GRID1: variants seen among roughly 807,000 people sequenced by gnomAD.
GRID1 encodes the protein glutamate receptor ionotropic, delta-1.
GRID1 carries 28 observed loss-of-function variants against 98.0 expected under a neutral mutation model. The ratio of observed to expected loss-of-function variants is 0.29; its 90% CI spans 0.21 to 0.39. The LOEUF (loss-of-function observed/expected upper bound fraction) is 0.39. Among genes scored for constraint, GRID1 ranks in the 10% least tolerant of loss-of-function variants. The pLI is 1.00. For synonymous variants in GRID1, 553 were observed against 538.5 expected, an observed-to-expected ratio of 1.03 and a Z score of -0.37; for missense variants, 1,111 against 1,340.5, an observed-to-expected ratio of 0.83 and a Z score of 2.67.
chr10:86,011,840 C>G (rs1033644583), intron 4 of GRID1, among the ~76,000 whole-genome samples: 1 of 152,106 alleles, frequency 6.6e-6, no homozygotes, highest in African/African-American at 2.4e-5. Context: ...AGGAAACAGT[C>G]CAAAGACCAA....
At chr10:85,622,418 A>G (rs533134608) in intron 13 of GRID1, among the ~76,000 whole-genome samples, 3 of 151,988 alleles carry the variant, frequency 2.0e-5, no homozygotes, top group Non-Finnish European at 4.4e-5. Context: ...CTTTTTTTTA[A>G]AAAAAATATA....
intron 4 of GRID1, among the ~76,000 whole-genome samples, chr10:86,131,452 A>T (rs953922327): frequency 1.3e-5 from 2 of 152,174 alleles, no homozygotes; most frequent in African/African-American, 2.4e-5. Context: ...GGAGGAGCTG[A>T]CACTCTGCTC....
At chr10:86,204,317 G>C (rs567216440) in intron 3 of GRID1, among the ~76,000 whole-genome samples, 1 of 152,296 alleles carries the variant, frequency 6.6e-6, no homozygotes, top group East Asian at 1.9e-4. Flanking sequence ...CACCATGCAG[G>C]CTGCAGGGCC....
intron 9 of GRID1, among the ~76,000 whole-genome samples, chr10:85,729,095 T>C (rs1841793784): frequency 6.6e-6 from 1 of 152,192 alleles, no homozygotes; most frequent in African/African-American, 2.4e-5. Flanking sequence ...CACTGTCACA[T>C]GAGCCCATCA....
intron 8 of GRID1, among the ~76,000 whole-genome samples, chr10:85,746,206 C>T (rs563040923): frequency 6.6e-6 from 1 of 152,256 alleles, no homozygotes; most frequent in Admixed American, 6.5e-5. Context: ...TTCATCTGTA[C>T]CTCAACCTGA....
At chr10:85,944,782 A>G (rs991672297) in intron 4 of GRID1, among the ~76,000 whole-genome samples, 1 of 152,040 alleles carries the variant, frequency 6.6e-6, no homozygotes, top group Non-Finnish European at 1.5e-5. Flanking sequence ...TTAGACTTAC[A>G]TTTACTAATT....
chr10:86,337,670 C>G (rs1476423105), intron 2 of GRID1, among the ~76,000 whole-genome samples: 1 of 146,958 alleles, frequency 6.8e-6, no homozygotes, highest in Non-Finnish European at 1.5e-5. Context: ...CCTTATCCTG[C>G]TAACAGCCTT....
chr10:85,650,818 C>A (rs1276815116), intron 12 of GRID1, among the ~76,000 whole-genome samples: 1 of 152,162 alleles, frequency 6.6e-6, no homozygotes, highest in Non-Finnish European at 1.5e-5. Context: ...AAACACATGG[C>A]TTATTCTGGA....
At position 86,178,600 on chromosome 10, in the gene GRID1, C is replaced by T. The variant is rs147002399; in HGVS notation, c.520+27764G>A. The stretch of plus-strand genomic sequence containing the variant: ...GCGCCACCTCCAGATGACCAGCAGG[C>T]GGCTCGTGCATCCACCCCGGGGCGT... On this transcript the variant is annotated intron_variant, in intron 3 of 15. Transcript: ENST00000327946. 3.7e-3 allele frequency among the ~76,000 whole-genome samples: 558 copies of T among 151,622 alleles called. 3 individuals are homozygous for T. The highest frequency in any genetic ancestry group is 0.013 in the African/African-American group (534 of 41,290).
intron 4 of GRID1, among the ~76,000 whole-genome samples, chr10:86,084,324 G>A (rs1311915354): frequency 6.6e-6 from 1 of 151,906 alleles, no homozygotes; most frequent in Non-Finnish European, 1.5e-5. Flanking sequence ...AAGAAAGGAA[G>A]GAAGGAGGGG....
At chr10:86,220,203 T>C (rs1325327830) in intron 2 of GRID1, among the ~76,000 whole-genome samples, 1 of 152,188 alleles carries the variant, frequency 6.6e-6, no homozygotes, top group African/African-American at 2.4e-5. Context: ...TCTTGGCCCC[T>C]TTGAAACTAA....
At chr10:85,849,170 G>A (rs990084817) in intron 8 of GRID1, among the ~76,000 whole-genome samples, 7 of 152,156 alleles carry the variant, frequency 4.6e-5, no homozygotes, top group Admixed American at 1.3e-4. Context: ...TTCTGAACCC[G>A]AGAATTTGGG....
chr10:85,831,591 CA>C (rs1203540469), intron 8 of GRID1, among the ~76,000 whole-genome samples: 2 of 150,840 alleles, frequency 1.3e-5, no homozygotes, highest in African/African-American at 4.9e-5. Context: ...TTTAAAGAGC[CA>C]AAATCATTTA....
At chr10:85,938,166 GA>G (rs1841951462) in intron 4 of GRID1, among the ~76,000 whole-genome samples, 1 of 152,170 alleles carries the variant, frequency 6.6e-6, no homozygotes, top group South Asian at 2.1e-4. Context: ...GGGGAATCTG[GA>G]TGGGAGAATC....
intron 4 of GRID1, among the ~76,000 whole-genome samples, chr10:86,124,827 G>C (rs1844729070): frequency 6.6e-6 from 1 of 152,318 alleles, no homozygotes; most frequent in East Asian, 1.9e-4. Context: ...GTCATACAGG[G>C]AACTGGACAG....
At chr10:86,291,778 C>T in intron 2 of GRID1, among the ~76,000 whole-genome samples, 1 of 152,208 alleles carries the variant, frequency 6.6e-6, no homozygotes, top group East Asian at 1.9e-4. Flanking sequence ...ACCATTCCAT[C>T]AATGCTAGCA....
At chr10:85,620,905 G>A (rs1302345590) in intron 13 of GRID1, among the ~76,000 whole-genome samples, 1 of 152,140 alleles carries the variant, frequency 6.6e-6, no homozygotes, top group Non-Finnish European at 1.5e-5. Context: ...TGCACACACA[G>A]GTGCAGGTTT....
chr10:86,315,936 A>G (rs1847892930), intron 2 of GRID1, among the ~76,000 whole-genome samples: 1 of 151,706 alleles, frequency 6.6e-6, no homozygotes, highest in Non-Finnish European at 1.5e-5. Context: ...CTATCCATCC[A>G]TCCATTTACC....
intron 4 of GRID1, among the ~76,000 whole-genome samples, chr10:86,053,460 C>T (rs1414821469): frequency 1.3e-5 from 2 of 151,936 alleles, no homozygotes; most frequent in African/African-American, 2.4e-5. Flanking sequence ...CTGGTTCAAG[C>T]AATTCTCCTG....
Sources: gnomAD v4.1 joint callset for allele counts (sites outside exome capture counted in the v4.1 genomes callset) on GRCh38, gnomAD v4.1.1 for gene constraint, MANE v1.5 for transcripts, NCBI Gene and HGNC (gene_info 2026-07-23, HGNC 2026-07-21) for gene names.